The following CLDN10 variants were observed in gnomAD, a reference collection of about 807,000 sequenced individuals.
The protein encoded by CLDN10 is claudin 10.
Under a neutral mutation model 22.9 loss-of-function variants are expected in CLDN10, and 15 were observed. The observed-to-expected ratio is 0.65, with a 90% CI of 0.44 to 1.01. The LOEUF is 1.01. CLDN10 is among the 50% of genes least tolerant of loss of function. CLDN10 has a pLI of 0.00. For synonymous variants in CLDN10, 114 were observed against 111.4 expected (o/e 1.02, Z -0.15); for missense variants, 247 against 287.8 (o/e 0.86, Z 1.03).
At chr13:95,555,119 C>T (rs895331439) in intron 1 of CLDN10, among the ~76,000 whole-genome samples, 3 of 140,970 alleles carry the variant, frequency 2.1e-5, no homozygotes, top group Admixed American at 8.0e-5. Context: ...GGCACAATCT[C>T]AGCCGACTGC....
At chr13:95,558,931 AAG>A (rs1162305485) in intron 1 of CLDN10, among the ~76,000 whole-genome samples, 1 of 151,834 alleles carries the variant, frequency 6.6e-6, no homozygotes, top group African/African-American at 2.4e-5. Flanking sequence ...GTGTTAAAAA[AAG>A]AAAAGAAAAA....
upstream of CLDN10, among the ~76,000 whole-genome samples, chr13:95,547,921 A>G (rs1397851913): frequency 6.6e-6 from 1 of 152,222 alleles, no homozygotes; most frequent in African/African-American, 2.4e-5. Flanking sequence ...CAGTAAAGAC[A>G]CCAAAGGAAA....
At chr13:95,553,043 C>A in intron 1 of CLDN10, 70 bp downstream of exon 1, 1 of 1,558,984 alleles carries the variant, frequency 6.4e-7, no homozygotes, top group Non-Finnish European at 8.7e-7. Flanking sequence ...CGCCCTCTCG[C>A]CCCCAATACC....
chr13:95,471,453 A>AT (rs1555289822), intron 1 of CLDN10, among the ~76,000 whole-genome samples: 4,522 of 106,302 alleles, frequency 0.043, 208 homozygotes, highest in South Asian at 0.1. Context: ...ATATATATAT[A>AT]TTTTTTTTTT....
At chr13:95,552,403 G>T (rs183485884), upstream of CLDN10, among the ~76,000 whole-genome samples, 1 of 152,204 alleles carries the variant, frequency 6.6e-6, no homozygotes, top group South Asian at 2.1e-4. Flanking sequence ...GGCGCAGCAG[G>T]TTGTCCACAC....
chr13:95,452,260 C>T (rs2042438798), intron 1 of CLDN10, among the ~76,000 whole-genome samples: 2 of 152,310 alleles, frequency 1.3e-5, no homozygotes, highest in Admixed American at 6.5e-5. Flanking sequence ...TAGATATTCA[C>T]ATGAAAAATC....
At chr13:95,514,899 T>C (rs2043147381) in intron 1 of CLDN10, among the ~76,000 whole-genome samples, 1 of 152,180 alleles carries the variant, frequency 6.6e-6, no homozygotes, top group Non-Finnish European at 1.5e-5. Context: ...TGTGAGATGA[T>C]GTCCCGCAGA....
chr13:95,567,255 A>G (rs1053819889), intron 3 of CLDN10, among the ~76,000 whole-genome samples: 1 of 152,210 alleles, frequency 6.6e-6, no homozygotes, highest in African/African-American at 2.4e-5. Context: ...ATCCATGAGC[A>G]TGGAGTGTTC....
chr13:95,463,232 G>GTA (rs1394369976), intron 1 of CLDN10, among the ~76,000 whole-genome samples: 1 of 121,212 alleles, frequency 8.3e-6, no homozygotes, highest in Non-Finnish European at 1.7e-5. Context: ...ATATATGTAT[G>GTA]TATATATATT....
chr13:95,516,968 C>CTCCT lies in CLDN10; in HGVS notation c.215-43111_215-43108dup, dbSNP rs59808109. Among the ~76,000 whole-genome samples the CTCCT allele has an allele frequency of 7.0e-3, 943 of 135,456 alleles. 6 individuals are homozygous for CTCCT. Among genetic ancestry groups the CTCCT allele is most frequent in the African/African-American group, 0.011 (378 of 35,120 alleles). The allele number at this position is 135,456 out of a possible 152,430, so 88.9% of individuals were successfully genotyped here. ...GCCATTCTCTAAGTTAATAGATTCT[C>CTCCT]TCCTTCCTTCCTTCCTTCCTTCCTT... On this transcript the variant is annotated intron_variant, in intron 1 of 4. Coordinates refer to the CLDN10 transcript ENST00000376873.
At chr13:95,486,196 G>T (rs1341743353) in intron 1 of CLDN10, among the ~76,000 whole-genome samples, 2 of 152,090 alleles carry the variant, frequency 1.3e-5, no homozygotes, top group Non-Finnish European at 2.9e-5. Context: ...AAGTTGCTTT[G>T]CCTAACTTGT....
chr13:95,502,286 C>G (rs149223216), intron 1 of CLDN10, among the ~76,000 whole-genome samples: 1 of 152,112 alleles, frequency 6.6e-6, no homozygotes, highest in African/African-American at 2.4e-5. Context: ...AGTAACACTT[C>G]GAATCTTAAT....
chr13:95,536,623 A>T (rs2138615880), intron 1 of CLDN10, among the ~76,000 whole-genome samples: 1 of 152,288 alleles, frequency 6.6e-6, no homozygotes, highest in South Asian at 2.1e-4. Context: ...TTAAAAGAAA[A>T]CGATAGATTC....
intron 1 of CLDN10, among the ~76,000 whole-genome samples, chr13:95,521,847 T>C (rs1018800761): frequency 6.6e-6 from 1 of 152,108 alleles, no homozygotes. Context: ...TGAATTGTTA[T>C]AGGACTATTT....
At chr13:95,505,038 A>G (rs975973926) in intron 1 of CLDN10, among the ~76,000 whole-genome samples, 1 of 152,230 alleles carries the variant, frequency 6.6e-6, no homozygotes, top group African/African-American at 2.4e-5. Context: ...AATTAGGGTA[A>G]TAGCCAAAAT....
At chr13:95,571,837 T>C in intron 3 of CLDN10, among the ~76,000 whole-genome samples, 1 of 152,260 alleles carries the variant, frequency 6.6e-6, no homozygotes, top group South Asian at 2.1e-4. Context: ...TTAAACTTTG[T>C]AAAAAAACCT....
intron 1 of CLDN10, among the ~76,000 whole-genome samples, chr13:95,505,570 G>A (rs2043029289): frequency 6.6e-6 from 1 of 152,160 alleles, no homozygotes; most frequent in Non-Finnish European, 1.5e-5. Flanking sequence ...GTGGTTGTTG[G>A]CAGACAGTGA....
At chr13:95,560,520 T>C (rs2043694805) in intron 3 of CLDN10, 57 bp downstream of exon 3, 2 of 1,366,048 alleles carry the variant, frequency 1.5e-6, no homozygotes, top group African/African-American at 1.4e-5. Context: ...AAATTAATAT[T>C]CTCAACCAAG....
In CLDN10 at chr13:95,578,962, C is replaced by T. The variant is rs2138702118; in HGVS notation, c.*948C>T. On this transcript the variant is annotated 3_prime_UTR_variant, in exon 5 of 5. Coordinates refer to ENST00000299339, the MANE Select transcript of CLDN10 (RefSeq NM_006984.5). ...CGGAATGCAGAGCCCTGAGCTAGGGCATCAGCAGAAGCTGAGATAGAGATA... is the reference window on the plus strand; with the variant it reads ...CGGAATGCAGAGCCCTGAGCTAGGGTATCAGCAGAAGCTGAGATAGAGATA... 1 of 152,320 alleles carries T rather than the reference C, an allele frequency of 6.6e-6. No individual in the cohort carries two copies. The highest frequency in any genetic ancestry group is 3.4e-3 in the Middle Eastern group (1 of 294). 9.4% of individuals were successfully genotyped at this position (152,320 alleles called of 1,614,324 possible).
Sources: allele counts gnomAD v4.1 joint callset (sites outside exome capture counted in the v4.1 genomes callset), GRCh38; gene constraint gnomAD v4.1.1; transcripts MANE v1.5; gene names NCBI Gene and HGNC (gene_info 2026-07-23, HGNC 2026-07-21).